Variants in CPED1 observed in about 807,000 individuals in gnomAD.
CPED1 encodes the protein cadherin-like and PC-esterase domain-containing protein 1.
Under a neutral mutation model 128.2 loss-of-function variants are expected in CPED1, and 114 were observed. The ratio of observed to expected loss-of-function variants is 0.89; its 90% confidence interval spans 0.76 to 1.04. The LOEUF (loss-of-function observed/expected upper bound fraction) is 1.04. Ranked by LOEUF, CPED1 falls within the 50% of genes least tolerant of loss-of-function variation. The pLI is 0.00. For synonymous variants in CPED1, 462 were observed against 426.7 expected (o/e 1.08, Z -1.02); for missense variants, 1,211 against 1,207.1 (o/e 1.00, Z -0.05).
At chr7:121,036,932 T>C (rs1792911017) in intron 3 of CPED1, among the ~76,000 whole-genome samples, 1 of 152,206 alleles carries the variant, frequency 6.6e-6, no homozygotes, top group East Asian at 1.9e-4. Flanking sequence ...GAAATTTATA[T>C]ACCTTCTTTT....
intron 3 of CPED1, among the ~76,000 whole-genome samples, chr7:121,043,275 A>G (rs537190316): frequency 6.6e-6 from 1 of 152,198 alleles, no homozygotes; most frequent in African/African-American, 2.4e-5. Flanking sequence ...ATGATCAGAG[A>G]CCACTCTTGA....
chr7:121,031,712 T>A (rs959368530), intron 3 of CPED1, among the ~76,000 whole-genome samples: 4 of 152,204 alleles, frequency 2.6e-5, no homozygotes, highest in Non-Finnish European at 4.4e-5. Flanking sequence ...ATTTATCTCA[T>A]CAGATTAAAA....
At chr7:121,206,768 A>C (rs1461346439) in intron 16 of CPED1, among the ~76,000 whole-genome samples, 2 of 151,914 alleles carry the variant, frequency 1.3e-5, no homozygotes, top group Non-Finnish European at 2.9e-5. Context: ...AGAATCCCTG[A>C]AGAAAGAAAA....
chr7:121,203,323 A>G (rs1358298498), intron 16 of CPED1, among the ~76,000 whole-genome samples: 1 of 152,062 alleles, frequency 6.6e-6, no homozygotes, highest in Non-Finnish European at 1.5e-5. Context: ...TGGGTCCACC[A>G]ATTAATTATT....
At chr7:121,126,014 TGTA>T (rs1795496340) in intron 9 of CPED1, 122 bp downstream of exon 9, 1 of 695,554 alleles carries the variant, frequency 1.4e-6, no homozygotes, top group Non-Finnish European at 2.5e-6. Flanking sequence ...GCAAAAGTAC[TGTA>T]GGCTTATATT....
At chr7:121,064,425 T>C in intron 5 of CPED1, 112 bp downstream of exon 5, 1 of 713,154 alleles carries the variant, frequency 1.4e-6, no homozygotes, top group African/African-American at 1.8e-5. Flanking sequence ...TGTCTATCAA[T>C]TCGGCAATCA....
intron 16 of CPED1, among the ~76,000 whole-genome samples, chr7:121,152,179 T>G (rs1030191483): frequency 6.6e-6 from 1 of 152,262 alleles, no homozygotes; most frequent in African/African-American, 2.4e-5. Context: ...CAGGACCTCA[T>G]TCTTTAGCAA....
At chr7:121,226,347 C>T (rs750935340) in intron 16 of CPED1, among the ~76,000 whole-genome samples, 7 of 151,988 alleles carry the variant, frequency 4.6e-5, no homozygotes, top group African/African-American at 9.7e-5. Flanking sequence ...CCGTTTTCTG[C>T]GTTGATCATG....
At chr7:121,260,960 C>T (rs189921070) in intron 18 of CPED1, among the ~76,000 whole-genome samples, 1 of 152,084 alleles carries the variant, frequency 6.6e-6, no homozygotes, top group East Asian at 1.9e-4. Flanking sequence ...AATTCTCTTC[C>T]TGCCGCAACA....
intron 16 of CPED1, among the ~76,000 whole-genome samples, chr7:121,182,812 C>T (rs1796927569): frequency 6.6e-6 from 1 of 152,044 alleles, no homozygotes. Flanking sequence ...TTCACTGTGT[C>T]ATTGCGAACA....
chr7:121,199,673 C>CAAAAAA (rs1160203035), intron 16 of CPED1, among the ~76,000 whole-genome samples: 3 of 86,944 alleles, frequency 3.5e-5, no homozygotes, highest in African/African-American at 1.4e-4. Context: ...GAGACTCCAT[C>CAAAAAA]AAAAAAAAAA....
At chr7:121,179,732 C>T (rs747830069) in intron 16 of CPED1, among the ~76,000 whole-genome samples, 1 of 151,970 alleles carries the variant, frequency 6.6e-6, no homozygotes, top group Non-Finnish European at 1.5e-5. Context: ...GCTTCTTAGT[C>T]AACATGTATT....
intron 7 of CPED1, among the ~76,000 whole-genome samples, chr7:121,119,754 C>T (rs1795342468): frequency 6.6e-6 from 1 of 152,032 alleles, no homozygotes; most frequent in Admixed American, 6.6e-5. Flanking sequence ...TATTTTTACA[C>T]TACTGTGCAA....
chr7:121,127,274 G>A lies in CPED1; in HGVS notation c.1302+17G>A, dbSNP rs764304846. ...GTTTTCAAGGTAAGTGCATATTTGTGTACTGATAAATATTTTTTCAAGTCA... is the reference window on the plus strand; with the variant it reads ...GTTTTCAAGGTAAGTGCATATTTGTATACTGATAAATATTTTTTCAAGTCA... On this transcript the variant is annotated intron_variant, in intron 10 of 22. Transcript: ENST00000310396. The A allele has an allele frequency of 1.4e-6, 2 of 1,460,754 alleles. No homozygotes were observed. Among genetic ancestry groups the A allele is most frequent in the African/African-American group, 2.9e-5 (2 of 69,702 alleles). The allele number at this position is 1,460,754 out of a possible 1,614,324, so 90.5% of individuals were successfully genotyped here. A position where few individuals can be genotyped will look rare whatever the true frequency, so the allele number is the denominator to read the frequency against.
intron 5 of CPED1, among the ~76,000 whole-genome samples, chr7:121,078,635 C>G (rs1476428109): frequency 6.6e-6 from 1 of 151,744 alleles, no homozygotes; most frequent in Non-Finnish European, 1.5e-5. Context: ...TGCAGATGGG[C>G]TTTCTCCACA....
chr7:121,258,698 T>A (rs1300242430), intron 18 of CPED1, among the ~76,000 whole-genome samples: 1 of 152,046 alleles, frequency 6.6e-6, no homozygotes, highest in Non-Finnish European at 1.5e-5. Context: ...CACTTCAGTG[T>A]GCTCCAGTTC....
chr7:121,014,994 TA>T (rs1792262491), intron 2 of CPED1, among the ~76,000 whole-genome samples: 1 of 152,218 alleles, frequency 6.6e-6, no homozygotes, highest in African/African-American at 2.4e-5. Flanking sequence ...CCTTTGTTAT[TA>T]GAATTTCAAT....
chr7:121,063,381 G>GGAAAAAA (rs1554429192), intron 4 of CPED1, among the ~76,000 whole-genome samples: 1 of 67,042 alleles, frequency 1.5e-5, no homozygotes, highest in African/African-American at 6.1e-5. Flanking sequence ...TGAAGAAACT[G>GGAAAAAA]AAAAAAAAAA....
chr7:120,990,991 G>T (rs1369817416), intron 2 of CPED1, among the ~76,000 whole-genome samples: 3 of 152,294 alleles, frequency 2.0e-5, no homozygotes, highest in African/African-American at 7.2e-5. Context: ...ATTTAGGTAG[G>T]TCACATGGTT....
Sources: gnomAD v4.1 joint callset for allele counts (sites outside exome capture counted in the v4.1 genomes callset) on GRCh38, gnomAD v4.1.1 for gene constraint, MANE v1.5 for transcripts, NCBI Gene and HGNC (gene_info 2026-07-23, HGNC 2026-07-21) for gene names.